CPA6: variants seen among roughly 807,000 people sequenced by gnomAD.
CPA6 encodes the protein carboxypeptidase A6.
CPA6 carries 58 observed loss-of-function variants against 63.3 expected under a neutral mutation model. The ratio of observed to expected loss-of-function variants is 0.92; its 90% CI spans 0.74 to 1.14. CPA6 has a LOEUF of 1.14. Ranked by LOEUF, CPA6 falls within the 50% of genes most tolerant of loss-of-function variation. The pLI is 0.00. For missense variants in CPA6, 565 were observed against 526.6 expected, an observed-to-expected ratio of 1.07 and a Z score of -0.71; for synonymous variants, 185 against 179.0, an observed-to-expected ratio of 1.03 and a Z score of -0.27.
chr8:67,678,632 T>A (rs1816529545), intron 1 of CPA6, among the ~76,000 whole-genome samples: 1 of 152,216 alleles, frequency 6.6e-6, no homozygotes, highest in African/African-American at 2.4e-5. Flanking sequence ...CATGAATTAG[T>A]TAAGTTGTTC....
At chr8:67,599,748 T>C (rs1402965553) in intron 2 of CPA6, among the ~76,000 whole-genome samples, 1 of 152,190 alleles carries the variant, frequency 6.6e-6, no homozygotes, top group Non-Finnish European at 1.5e-5. Flanking sequence ...GCCATCACCA[T>C]GAGGAACAAA....
Position 67,472,627 on chromosome 8 carries a change from C to G in CPA6, c.838+11141G>C, listed in dbSNP as rs534227317. Among the ~76,000 whole-genome samples, 4 of 152,064 alleles carry G rather than the reference C, an allele frequency of 2.6e-5. No homozygotes were observed. In the East Asian group the frequency reaches 7.8e-4, roughly 29 times the overall value. ...TTTTTTGGTACAGACAGGGTTTTGT[C>G]ATGTTGCCCAGGCTGGTCTCAAACT... On this transcript the variant is annotated intron_variant, in intron 8 of 10. Coordinates refer to ENST00000297770, the MANE Select transcript of CPA6 (RefSeq NM_020361.5).
Position 67,746,025 on chromosome 8 carries a change from G to T in CPA6, c.105C>A (p.Asn35Lys), listed in dbSNP as rs530829401. The change falls in exon 1 of 11, where the codon AAC becomes AAA. Residue 35 changes from asparagine (N) to lysine (K), a missense_variant. By Grantham distance (94) the Asn-to-Lys change is moderately conservative. Transcript: ENST00000297770. ...LQPGHSHLYN[N>K]RYAGDKVIRF... ...GTCGCTCCACTTACCCAGCATAGCG[G>T]TTGTTATAAAGGTGGCTGTGCCCCG... The T allele has an allele frequency of 8.9e-5, 143 of 1,612,998 alleles. No homozygotes were observed. The highest frequency in any genetic ancestry group is 1.1e-4 in the Non-Finnish European group (124 of 1,179,250).
At chr8:67,484,625 GT>G (rs1254567012) in intron 7 of CPA6, 53 bp downstream of exon 7, 8 of 955,264 alleles carry the variant, frequency 8.4e-6, no homozygotes, top group Non-Finnish European at 1.3e-5. Context: ...TTGTGACTCT[GT>G]TTTCTATGAT....
chr8:67,525,384 C>T (rs6996113), intron 2 of CPA6, among the ~76,000 whole-genome samples: 47,617 of 151,986 alleles, frequency 0.31, 7,614 homozygotes, highest in Middle Eastern at 0.47. Flanking sequence ...TTGGTGGGGG[C>T]CCAACAGTGA....
At chr8:67,547,304 C>T (rs1812839038) in intron 2 of CPA6, among the ~76,000 whole-genome samples, 1 of 152,200 alleles carries the variant, frequency 6.6e-6, no homozygotes, top group African/African-American at 2.4e-5. Context: ...CCTCGGCCTC[C>T]CAAAGTGCTG....
At chr8:67,649,349 G>A (rs968996779) in intron 1 of CPA6, among the ~76,000 whole-genome samples, 1 of 152,156 alleles carries the variant, frequency 6.6e-6, no homozygotes, top group African/African-American at 2.4e-5. Flanking sequence ...CAGGGAACTT[G>A]TCTCTTTGTA....
intron 6 of CPA6, among the ~76,000 whole-genome samples, chr8:67,497,701 T>C (rs1230613118): frequency 6.6e-6 from 1 of 152,120 alleles, no homozygotes; most frequent in Non-Finnish European, 1.5e-5. Context: ...CTCTACTTTT[T>C]TTTTTTTTGA....
chr8:67,443,182 C>G (rs993097525), intron 8 of CPA6, among the ~76,000 whole-genome samples: 7 of 152,110 alleles, frequency 4.6e-5, no homozygotes, highest in Middle Eastern at 3.4e-3. Flanking sequence ...CCTGCCTCAG[C>G]CTCCCAAGTA....
chr8:67,446,069 C>T (rs772376260), intron 8 of CPA6, among the ~76,000 whole-genome samples: 2 of 152,080 alleles, frequency 1.3e-5, no homozygotes, highest in Non-Finnish European at 2.9e-5. Context: ...TCGAGACCAT[C>T]CTGGCTAACA....
intron 8 of CPA6, among the ~76,000 whole-genome samples, chr8:67,444,462 A>G (rs1810368662): frequency 1.3e-5 from 2 of 152,028 alleles, no homozygotes; most frequent in African/African-American, 4.8e-5. Context: ...GGCTAGAGAA[A>G]AAGATGTGGG....
intron 8 of CPA6, among the ~76,000 whole-genome samples, chr8:67,482,229 C>T (rs764606569): frequency 5.3e-5 from 8 of 152,218 alleles, no homozygotes; most frequent in Non-Finnish European, 8.8e-5. Context: ...CTCAATTACC[C>T]ATCCAGAGCA....
intron 6 of CPA6, among the ~76,000 whole-genome samples, chr8:67,503,706 C>T (rs1221565053): frequency 1.3e-5 from 2 of 151,806 alleles, no homozygotes; most frequent in East Asian, 3.9e-4. Context: ...TATTATATGC[C>T]AAACATTCTG....
rs1182171244 is a variant in CPA6 at position 67,518,002 on chromosome 8, T to C, written c.238A>G (p.Thr80Ala). The C allele has an allele frequency of 1.2e-6, 2 of 1,612,940 alleles. No homozygotes were observed. Among genetic ancestry groups the C allele is most frequent in the South Asian group, 2.2e-5 (2 of 90,860 alleles). ...PSSISYVSEG[T>A]VTDVHIPQNG... is the part of the protein sequence containing the mutation. ...TGGGGGATATGGACATCAGTAACTG[T>C]TCCCTCTGATACATAGGAGATACTG... The change falls in exon 3 of 11, where the codon ACA becomes GCA. Residue 80 changes from threonine (T) to alanine (A), a missense_variant. Coordinates refer to ENST00000297770, the MANE Select transcript of CPA6 (RefSeq NM_020361.5).
intron 1 of CPA6, among the ~76,000 whole-genome samples, chr8:67,743,868 A>T (rs960448945): frequency 6.6e-6 from 1 of 152,222 alleles, no homozygotes; most frequent in Non-Finnish European, 1.5e-5. Flanking sequence ...TTTTACATGA[A>T]TGCAAGAACT....
chr8:67,522,565 G>T (rs984076987), intron 2 of CPA6, among the ~76,000 whole-genome samples: 1 of 152,236 alleles, frequency 6.6e-6, no homozygotes, highest in African/African-American at 2.4e-5. Context: ...CTGCGAGGCG[G>T]TGGGAATGAG....
chr8:67,471,199 T>A (rs1039640784), intron 8 of CPA6, among the ~76,000 whole-genome samples: 2 of 152,152 alleles, frequency 1.3e-5, no homozygotes, highest in African/African-American at 4.8e-5. Context: ...CTGTTCCTTC[T>A]GTGTGCACTG....
At chr8:67,546,063 G>A (rs1340928024) in intron 2 of CPA6, among the ~76,000 whole-genome samples, 1 of 152,240 alleles carries the variant, frequency 6.6e-6, no homozygotes, top group South Asian at 2.1e-4. Context: ...TTGCTGGAAG[G>A]TCTTGCTTGC....
chr8:67,436,552 T>C (rs1383998673), intron 8 of CPA6, among the ~76,000 whole-genome samples: 2 of 152,210 alleles, frequency 1.3e-5, no homozygotes, highest in Non-Finnish European at 2.9e-5. Flanking sequence ...ATTTCTATTA[T>C]GCTTTTAGAA....
Sources: gnomAD v4.1 joint callset for allele counts (sites outside exome capture counted in the v4.1 genomes callset) on GRCh38, gnomAD v4.1.1 for gene constraint, MANE v1.5 for transcripts, NCBI Gene and HGNC (gene_info 2026-07-23, HGNC 2026-07-21) for gene names.